The following LMO7 variants were observed in gnomAD, a reference collection of about 807,000 sequenced individuals.
The protein encoded by LMO7 is LIM domain only protein 7.
Under a neutral mutation model 206.5 loss-of-function variants are expected in LMO7, and 120 were observed. That is an observed-to-expected ratio of 0.58 (90% CI 0.50 to 0.68). The LOEUF (loss-of-function observed/expected upper bound fraction) is 0.68. Among genes scored for constraint, LMO7 ranks in the 30% least tolerant of loss-of-function variants. The pLI, the probability that LMO7 is intolerant of heterozygous loss-of-function variation, is 0.00. For missense variants in LMO7, 1,959 were observed against 1,957.9 expected, an observed-to-expected ratio of 1.00 and a Z score of -0.01; for synonymous variants, 706 against 681.5, an observed-to-expected ratio of 1.04 and a Z score of -0.56.
intron 1 of LMO7, among the ~76,000 whole-genome samples, chr13:75,679,626 G>A (rs945993153): frequency 1.3e-5 from 2 of 152,160 alleles, no homozygotes; most frequent in African/African-American, 4.8e-5. Context: ...TGTCACCCAG[G>A]CTAGGGTGCA....
chr13:75,641,808 G>A (rs2036560191), intron 1 of LMO7, among the ~76,000 whole-genome samples: 1 of 151,724 alleles, frequency 6.6e-6, no homozygotes, highest in Non-Finnish European at 1.5e-5. Flanking sequence ...CACCATGCCT[G>A]GCTAACTTTT....
chr13:75,817,108 C>T (rs1228147131), intron 11 of LMO7, 53 bp from the exon 12 acceptor site: 1 of 1,313,048 alleles, frequency 7.6e-7, no homozygotes, highest in African/African-American at 1.5e-5. Context: ...CAGTTTAACC[C>T]CTAAGTCTGG....
intron 1 of LMO7, among the ~76,000 whole-genome samples, chr13:75,694,872 C>A (rs754627609): frequency 6.6e-6 from 1 of 152,062 alleles, no homozygotes; most frequent in Non-Finnish European, 1.5e-5. Flanking sequence ...AAGTTTGAAA[C>A]GTTAGAGGAA....
intron 1 of LMO7, among the ~76,000 whole-genome samples, chr13:75,674,131 A>T (rs2039821988): frequency 6.6e-6 from 1 of 152,238 alleles, no homozygotes; most frequent in South Asian, 2.1e-4. Context: ...ATGTCCATTT[A>T]TTCCTTGGAA....
At chr13:75,804,571 C>T (rs374751566) in intron 8 of LMO7, 30 bp downstream of exon 8, 906 of 1,597,372 alleles carry the variant, frequency 5.7e-4, no homozygotes, top group Middle Eastern at 8.4e-4. Context: ...TATTGAGTTT[C>T]GTATGCTTTT....
At chr13:75,754,425 G>A (rs767537857) in intron 3 of LMO7, among the ~76,000 whole-genome samples, 2 of 152,080 alleles carry the variant, frequency 1.3e-5, no homozygotes, top group Non-Finnish European at 2.9e-5. Flanking sequence ...CATCAGAACG[G>A]TTTGTACCTT....
At chr13:75,694,407 AG>A (rs1287711200) in intron 1 of LMO7, among the ~76,000 whole-genome samples, 1 of 152,244 alleles carries the variant, frequency 6.6e-6, no homozygotes, top group Non-Finnish European at 1.5e-5. Flanking sequence ...CTCACTCTGC[AG>A]GCAGAATGGA....
chr13:75,632,664 C>T (rs2035095706), upstream of LMO7, among the ~76,000 whole-genome samples: 1 of 152,156 alleles, frequency 6.6e-6, no homozygotes, highest in Admixed American at 6.5e-5. Flanking sequence ...GGGCTGCCGC[C>T]CCCAAAGCTA....
Position 75,677,696 on chromosome 13 carries a change from G to A in LMO7, c.70-35486G>A, listed in dbSNP as rs2040129965. Among the ~76,000 whole-genome samples the A allele has an allele frequency of 3.3e-5, 5 of 150,890 alleles. No individual in the cohort carries two copies. The South Asian group carries it at 8.4e-4, about 25-fold the overall frequency. ...TAGGGTACATGTGCACAATGTGCAG[G>A]TTTGTTACATATGTATACATGTGCC... On this transcript the variant is annotated intron_variant, in intron 1 of 30. Coordinates refer to ENST00000377534, the MANE Select transcript of LMO7 (RefSeq NM_001306080.2).
At chr13:75,829,477 A>C (rs1251738844) in intron 15 of LMO7, among the ~76,000 whole-genome samples, 1 of 152,160 alleles carries the variant, frequency 6.6e-6, no homozygotes, top group Non-Finnish European at 1.5e-5. Context: ...AGGGCTACTC[A>C]CTTCATTTTC....
At chr13:75,735,689 T>A (rs1269926247) in intron 3 of LMO7, among the ~76,000 whole-genome samples, 2 of 150,752 alleles carry the variant, frequency 1.3e-5, no homozygotes, top group African/African-American at 4.9e-5. Flanking sequence ...TTGGCCCGGG[T>A]AGTCTTGATC....
rs759431928 is a variant in LMO7, at chr13:75,800,875, G to A, written c.654G>A (p.Gly218=). 89 of 1,613,536 alleles carry A rather than the reference G, an allele frequency of 5.5e-5. No homozygotes were observed. The highest frequency in any genetic ancestry group is 7.0e-5 in the Non-Finnish European group (83 of 1,179,620). ...CCTCTGATATCACGTTGAGAGGGGG[G>A]CGTGAAGGTGTGTTGTGTTTTGGCT... is the stretch of plus-strand genomic sequence containing the variant. ...SCSSDITLRG[G]REGFESDTDS... The change falls in exon 7 of 31, where the codon GGG becomes GGA. Residue 218 remains glycine, a synonymous_variant. Transcript: ENST00000377534.
chr13:75,814,934 T>G (rs2138114334), intron 11 of LMO7, among the ~76,000 whole-genome samples: 1 of 150,880 alleles, frequency 6.6e-6, no homozygotes, highest in South Asian at 2.1e-4. Context: ...GCAGAGGGAG[T>G]GGGGGCATGG....
chr13:75,835,187 C>T (rs766126982), intron 17 of LMO7, 46 bp from the exon 18 acceptor site: 64 of 1,603,082 alleles, frequency 4.0e-5, no homozygotes, highest in Middle Eastern at 1.6e-4. Context: ...GCCATTTATA[C>T]GGCATAAAAC....
chr13:75,671,084 C>T (rs945550819), intron 1 of LMO7, among the ~76,000 whole-genome samples: 11 of 151,342 alleles, frequency 7.3e-5, no homozygotes, highest in Admixed American at 2.0e-4. Flanking sequence ...TCTACCTCCA[C>T]GTCTTGTCCC....
At chr13:75,838,096 G>T in intron 19 of LMO7, 44 bp from the exon 20 acceptor site, 1 of 1,170,004 alleles carries the variant, frequency 8.5e-7, no homozygotes, top group Non-Finnish European at 1.3e-6. Flanking sequence ...CCAATGGTGA[G>T]AAATAAAAAT....
chr13:75,652,613 C>CAG (rs2037687316), intron 1 of LMO7, among the ~76,000 whole-genome samples: 1 of 111,536 alleles, frequency 9.0e-6, no homozygotes, highest in Non-Finnish European at 1.8e-5. Context: ...ACCACAAGTT[C>CAG]AGTGTGTGTG....
chr13:75,657,423 A>T (rs536907566), intron 1 of LMO7, among the ~76,000 whole-genome samples: 1 of 152,284 alleles, frequency 6.6e-6, no homozygotes, highest in African/African-American at 2.4e-5. Flanking sequence ...GTGTGTGTGT[A>T]TACATGTGTG....
At chr13:75,831,071 T>C (rs2058620623) in intron 15 of LMO7, among the ~76,000 whole-genome samples, 1 of 152,162 alleles carries the variant, frequency 6.6e-6, no homozygotes, top group Admixed American at 6.5e-5. Context: ...GTATGGTGGT[T>C]TTGGCTAAGG....
Sources: gnomAD v4.1 joint callset for allele counts (sites outside exome capture counted in the v4.1 genomes callset) on GRCh38, gnomAD v4.1.1 for gene constraint, MANE v1.5 for transcripts, NCBI Gene and HGNC (gene_info 2026-07-23, HGNC 2026-07-21) for gene names.